PTPRS: variants seen among roughly 807,000 people sequenced by gnomAD.
The protein encoded by PTPRS is protein tyrosine phosphatase receptor type S, also known as receptor-type tyrosine-protein phosphatase S.
Under a neutral mutation model 215.3 loss-of-function variants are expected in PTPRS, and 63 were observed. The ratio of observed to expected loss-of-function variants is 0.29; its 90% CI spans 0.24 to 0.36. The LOEUF (loss-of-function observed/expected upper bound fraction) is 0.36, where lower values mean the gene tolerates loss of function less well. PTPRS is among the 10% of genes least tolerant of loss of function. PTPRS has a pLI of 1.00. For missense variants in PTPRS, 2,258 were observed against 2,825.8 expected, an observed-to-expected ratio of 0.80 and a Z score of 4.56; for synonymous variants, 1,404 against 1,191.4, an observed-to-expected ratio of 1.18 and a Z score of -3.68.
intron 20 of PTPRS, 91 bp from the exon 21 acceptor site, chr19:5,220,444 G>T: frequency 9.4e-7 from 1 of 1,061,284 alleles, no homozygotes; most frequent in African/African-American, 1.6e-5. Context: ...CCGTTTCTCT[G>T]AGTCTTCCCT....
intron 9 of PTPRS, among the ~76,000 whole-genome samples, chr19:5,254,598 A>G (rs1415389306): frequency 6.6e-6 from 1 of 152,128 alleles, no homozygotes; most frequent in Non-Finnish European, 1.5e-5. Context: ...AGGCAGAGAG[A>G]GCAGGGGAGA....
At chr19:5,225,015 C>T (rs2042351708) in intron 17 of PTPRS, among the ~76,000 whole-genome samples, 1 of 152,106 alleles carries the variant, frequency 6.6e-6, no homozygotes, top group Non-Finnish European at 1.5e-5. Context: ...CACGCCCCAC[C>T]CCCCAAGTCT....
At chr19:5,274,149 T>C (rs762464262) in intron 3 of PTPRS, 50 bp downstream of exon 3, 3 of 1,575,806 alleles carry the variant, frequency 1.9e-6, no homozygotes, top group Non-Finnish European at 2.6e-6. Context: ...GCTGTGGCCC[T>C]GCCTTGGGGG....
rs2044331589 is a variant in PTPRS at position 5,244,858 on chromosome 19, A to AT, written c.989-377_989-376insA. On this transcript the variant is annotated intron_variant, in intron 10 of 37. Transcript: ENST00000262963. This position sits in a 1 kb window ranked among gnomAD's most constrained non-coding sequence, Gnocchi z 7.2. Reference sequence around the variant, plus strand: ...CTAATTTTTTGTATTTTCAGTTGAGACGGGTTTCACTGTGTTAGCCAGGAT... The same window carrying AT: ...CTAATTTTTTGTATTTTCAGTTGAGATCGGGTTTCACTGTGTTAGCCAGGAT... Among the ~76,000 whole-genome samples, 2 of 141,260 alleles carry AT rather than the reference A, an allele frequency of 1.4e-5. No homozygotes were observed. Among genetic ancestry groups the AT allele is most frequent in the African/African-American group, 6.0e-5 (2 of 33,394 alleles). 92.7% of individuals were successfully genotyped at this position (141,260 alleles called of 152,430 possible).
At chr19:5,219,286 AG>A in intron 23 of PTPRS, 23 bp downstream of exon 23, 1 of 1,613,522 alleles carries the variant, frequency 6.2e-7, no homozygotes, top group Non-Finnish European at 8.5e-7. Flanking sequence ...TGTCAAGTCA[AG>A]TCGGGGAGGA....
At chr19:5,302,297 G>A (rs1388406851) in intron 1 of PTPRS, among the ~76,000 whole-genome samples, 2 of 152,176 alleles carry the variant, frequency 1.3e-5, no homozygotes, top group African/African-American at 2.4e-5. Flanking sequence ...CCAGGAGTTT[G>A]AGGTTGCAGG....
chr19:5,265,227 T>C, intron 4 of PTPRS, 31 bp from the exon 5 acceptor site: 5 of 1,598,842 alleles, frequency 3.1e-6, no homozygotes, highest in African/African-American at 1.3e-5. Context: ...GAAATGGGCA[T>C]GGTTCTGAGC....
chr19:5,262,418 C>A (rs1022373944), intron 6 of PTPRS, among the ~76,000 whole-genome samples: 2 of 152,194 alleles, frequency 1.3e-5, no homozygotes, highest in East Asian at 3.8e-4. Context: ...TGATATCAGT[C>A]ACTCTCACTT....
intron 12 of PTPRS, among the ~76,000 whole-genome samples, chr19:5,239,953 C>A (rs1014649697): frequency 5.9e-5 from 9 of 151,788 alleles, no homozygotes; most frequent in South Asian, 2.1e-4. Flanking sequence ...ATGGGGACGC[C>A]GATACATACG....
chr19:5,233,946 CAAAAAAAAAAAAAAAAAA>C (rs57529862), intron 13 of PTPRS, among the ~76,000 whole-genome samples: 2 of 27,760 alleles, frequency 7.2e-5, no homozygotes, highest in African/African-American at 1.4e-4. Context: ...ACTCCATCTC[CAAAAAAAAAAAAAAAAAA>C]AAAAAAAAAA....
intron 11 of PTPRS, among the ~76,000 whole-genome samples, chr19:5,241,664 T>C (rs1446225633): frequency 6.6e-6 from 1 of 151,958 alleles, no homozygotes; most frequent in South Asian, 2.1e-4. Flanking sequence ...TCCCGGCCCT[T>C]TGCTTCAGTG....
chr19:5,252,066 C>T (rs1246380582), intron 9 of PTPRS, among the ~76,000 whole-genome samples: 1 of 152,042 alleles, frequency 6.6e-6, no homozygotes, highest in East Asian at 1.9e-4. Flanking sequence ...AATTTTTCCC[C>T]ATAAATTTGC....
chr19:5,318,914 T>C (rs1404098569), intron 1 of PTPRS, among the ~76,000 whole-genome samples: 1 of 152,208 alleles, frequency 6.6e-6, no homozygotes, highest in African/African-American at 2.4e-5. Flanking sequence ...CACACTGCAA[T>C]CTCTTGATCT....
chr19:5,213,882 T>TGG (rs2041163445), intron 30 of PTPRS, among the ~76,000 whole-genome samples: 1 of 152,186 alleles, frequency 6.6e-6, no homozygotes, highest in South Asian at 2.1e-4. Context: ...GAAAAACAGA[T>TGG]GGAACCGCAC....
rs2045676752 is a variant in PTPRS at position 5,257,743 on chromosome 19, T to C, written c.706+274A>G. On this transcript the variant is annotated intron_variant, in intron 8 of 37. Coordinates refer to ENST00000262963, the MANE Select transcript of PTPRS (RefSeq NM_002850.4). This position sits in a 1 kb window ranked among gnomAD's most constrained non-coding sequence, Gnocchi z 4.4. ...CCCCTCACCCTGCCCCACGCCTTCCTACCCCACCATCACTGCCTCCCCAGA... is the reference window on the plus strand; with the variant it reads ...CCCCTCACCCTGCCCCACGCCTTCCCACCCCACCATCACTGCCTCCCCAGA... Among the ~76,000 whole-genome samples, 1 of 152,102 alleles carries C rather than the reference T, an allele frequency of 6.6e-6. No individual in the cohort carries two copies.
At chr19:5,248,890 C>T (rs916998665) in intron 9 of PTPRS, among the ~76,000 whole-genome samples, 24 of 152,230 alleles carry the variant, frequency 1.6e-4, no homozygotes, top group African/African-American at 5.5e-4. Context: ...TAACCTGACT[C>T]GGGCAGTGCC....
chr19:5,220,926 G>C lies in PTPRS; in HGVS notation c.3455+74C>G. ...GCAAGGAAATTGAGGCACAGAGAGGGCACGTGGCTTGCCCCAGCCATATAG... is the reference window on the plus strand; with the variant it reads ...GCAAGGAAATTGAGGCACAGAGAGGCCACGTGGCTTGCCCCAGCCATATAG... On this transcript the variant is annotated intron_variant, in intron 20 of 37. Coordinates refer to ENST00000262963, the MANE Select transcript of PTPRS (RefSeq NM_002850.4). The C allele has an allele frequency of 4.7e-6, 7 of 1,501,512 alleles. No homozygotes were observed. In the South Asian group the frequency reaches 8.9e-5, roughly 19 times the overall value. The allele number at this position is 1,501,512 out of a possible 1,614,324, so 93.0% of individuals were successfully genotyped here.
chr19:5,244,917 C>T lies in PTPRS; in HGVS notation c.989-435G>A, dbSNP rs374685360. Among the ~76,000 whole-genome samples the T allele has an allele frequency of 7.2e-5, 11 of 152,242 alleles. No homozygotes were observed. The East Asian group carries it at 2.1e-3, about 29-fold the overall frequency. The stretch of plus-strand genomic sequence containing the variant: ...TCTCCTGACCTCGTGATCCGCCCGC[C>T]TCGGCCTCCCGAAGTGCTGGGATTA... On this transcript the variant is annotated intron_variant, in intron 10 of 37. Coordinates refer to ENST00000262963, the MANE Select transcript of PTPRS (RefSeq NM_002850.4). The surrounding 1 kb of genome is among the most constrained non-coding windows in gnomAD (Gnocchi z 7.2).
At chr19:5,215,691 G>T (rs1240544305) in intron 26 of PTPRS, 96 bp from the exon 27 acceptor site, 2 of 876,828 alleles carry the variant, frequency 2.3e-6, no homozygotes, top group Admixed American at 4.7e-5. Flanking sequence ...TCTGCGATGG[G>T]TGAGCTGTGG....
Sources: allele counts gnomAD v4.1 joint callset (sites outside exome capture counted in the v4.1 genomes callset), GRCh38; gene constraint gnomAD v4.1.1; non-coding constraint Gnocchi (gnomAD v3.1); transcripts MANE v1.5; gene names NCBI Gene and HGNC (gene_info 2026-07-23, HGNC 2026-07-21).